Variants in RBFOX1 observed in about 807,000 individuals in gnomAD.
RBFOX1 encodes RNA binding fox-1 homolog 1, also known as RNA binding protein fox-1 homolog 1.
RBFOX1 carries 8 observed loss-of-function variants against 57.7 expected under a neutral mutation model. The observed-to-expected ratio is 0.14, with a 90% confidence interval of 0.08 to 0.25. RBFOX1 has a LOEUF of 0.25. Ranked by LOEUF, RBFOX1 falls within the 10% of genes least tolerant of loss-of-function variation. RBFOX1 has a pLI of 1.00. For synonymous variants in RBFOX1, 326 were observed against 222.4 expected, an observed-to-expected ratio of 1.47 and a Z score of -4.15; for missense variants, 611 against 548.5, an observed-to-expected ratio of 1.11 and a Z score of -1.14.
chr16:6,886,773 C>G (rs1029390102), intron 3 of RBFOX1, among the ~76,000 whole-genome samples: 1 of 130,320 alleles, frequency 7.7e-6, no homozygotes, highest in African/African-American at 3.0e-5. Context: ...AAAAACAAAA[C>G]AAAACAAAAC....
intron 14 of RBFOX1, among the ~76,000 whole-genome samples, chr16:7,707,402 C>G (rs768779976): frequency 4.6e-5 from 7 of 151,988 alleles, no homozygotes; most frequent in African/African-American, 7.3e-5. Flanking sequence ...GGGGGGAAAA[C>G]AGGAAAGGAG....
At chr16:7,198,120 C>G (rs1216145919) in intron 4 of RBFOX1, among the ~76,000 whole-genome samples, 2 of 150,402 alleles carry the variant, frequency 1.3e-5, no homozygotes, top group Admixed American at 6.7e-5. Context: ...ATTCTCCTGC[C>G]TCAGCCTCCC....
In RBFOX1 at chr16:5,938,321, G is replaced by C. The variant is rs201973451; in HGVS notation, c.351+70986G>C. Among the ~76,000 whole-genome samples, 5 of 152,266 alleles carry C rather than the reference G, an allele frequency of 3.3e-5. 1 individual carries two copies. The highest frequency in any genetic ancestry group is 4.4e-5 in the Non-Finnish European group (3 of 68,030). ...AGTGTCTGGAGCCAGTTCTCCTCCA[G>C]AGTGTCTCACTGATCGTTGCTGATG... On this transcript the variant is annotated intron_variant, in intron 4 of 19. Coordinates refer to the RBFOX1 transcript ENST00000641259.
chr16:6,510,100 C>G (rs1426182179), intron 2 of RBFOX1, among the ~76,000 whole-genome samples: 2 of 152,132 alleles, frequency 1.3e-5, no homozygotes, highest in Non-Finnish European at 2.9e-5. Flanking sequence ...AAGCTTCTGA[C>G]TGTAACTTCC....
intron 4 of RBFOX1, among the ~76,000 whole-genome samples, chr16:5,961,234 C>T (rs1424382566): frequency 6.6e-6 from 1 of 152,104 alleles, no homozygotes; most frequent in Non-Finnish European, 1.5e-5. Context: ...ATTTGCACCA[C>T]AGAGCATGCT....
intron 4 of RBFOX1, among the ~76,000 whole-genome samples, chr16:7,065,877 A>G (rs570537822): frequency 1.3e-5 from 2 of 152,326 alleles, no homozygotes; most frequent in South Asian, 4.1e-4. Flanking sequence ...TTTAGACGCT[A>G]CATGGAAGTG....
intron 2 of RBFOX1, among the ~76,000 whole-genome samples, chr16:6,551,123 C>G (rs1427930870): frequency 3.3e-5 from 5 of 152,162 alleles, no homozygotes; most frequent in Non-Finnish European, 7.3e-5. Flanking sequence ...CAGAGCTCAA[C>G]TCTCTGAGAT....
At chr16:5,708,788 A>C (rs1052938559) in intron 3 of RBFOX1, among the ~76,000 whole-genome samples, 4 of 152,194 alleles carry the variant, frequency 2.6e-5, no homozygotes, top group Non-Finnish European at 4.4e-5. Context: ...TTTTCTCTGA[A>C]AGAAGTAGCT....
chr16:5,360,991 G>C (rs967117948), intron 1 of RBFOX1, among the ~76,000 whole-genome samples: 1 of 152,104 alleles, frequency 6.6e-6, no homozygotes, highest in Non-Finnish European at 1.5e-5. Flanking sequence ...ACCATACCAA[G>C]GCTGCACACG....
At position 6,073,005 on chromosome 16, in the gene RBFOX1, A is replaced by G. The variant is rs552724560; in HGVS notation, c.-127+53013A>G. Among the ~76,000 whole-genome samples the G allele has an allele frequency of 7.2e-5, 11 of 152,338 alleles. No homozygotes were observed. In the South Asian group the frequency reaches 2.3e-3, roughly 32 times the overall value. Reference sequence around the variant, plus strand: ...CCATAAAACCATAAAAATCTATAATATTCTTATGTGAAAGGCTAGTGTATT... The same window carrying G: ...CCATAAAACCATAAAAATCTATAATGTTCTTATGTGAAAGGCTAGTGTATT... On this transcript the variant is annotated intron_variant, in intron 1 of 15. Transcript: ENST00000550418.
chr16:7,045,494 G>A (rs2047598595), intron 3 of RBFOX1, among the ~76,000 whole-genome samples: 1 of 152,164 alleles, frequency 6.6e-6, no homozygotes, highest in Non-Finnish European at 1.5e-5. Flanking sequence ...TGCATTGTCT[G>A]CAATAGGAAT....
intron 3 of RBFOX1, among the ~76,000 whole-genome samples, chr16:5,847,284 G>A (rs1447180314): frequency 6.6e-6 from 1 of 151,458 alleles, no homozygotes; most frequent in South Asian, 2.1e-4. Context: ...TGCAGGACTT[G>A]GATTCCATTT....
chr16:5,270,285 A>T (rs1241298898), intron 1 of RBFOX1: 2 of 647,908 alleles, frequency 3.1e-6, no homozygotes, highest in Admixed American at 2.1e-5. Flanking sequence ...AGCACCTGCT[A>T]TGTTCAATGT....
intron 3 of RBFOX1, among the ~76,000 whole-genome samples, chr16:6,818,849 C>A (rs1479393320): frequency 6.6e-6 from 1 of 152,130 alleles, no homozygotes; most frequent in African/African-American, 2.4e-5. Context: ...CCAACTCAGT[C>A]CAATGAGATT....
At chr16:6,322,955 C>A (rs1373377291) in intron 2 of RBFOX1, among the ~76,000 whole-genome samples, 3 of 152,156 alleles carry the variant, frequency 2.0e-5, no homozygotes, top group African/African-American at 7.2e-5. Flanking sequence ...CAACCACCCC[C>A]ACACACTGTT....
In RBFOX1 at chr16:7,597,434, A is replaced by G; in HGVS notation, c.622+3A>G. The G allele has an allele frequency of 1.2e-6, 2 of 1,601,284 alleles. No individual in the cohort carries two copies. The highest frequency in any genetic ancestry group is 2.2e-5 in the East Asian group (1 of 44,708). On this transcript the variant is annotated splice_donor_region_variant and intron_variant, in intron 9 of 15. Transcript: ENST00000550418. ...GACCGTCAACCCTTATACAAATGGT[A>G]AGTAGAGATTGGCCTTTTACAAGAA...
At chr16:7,038,161 A>G (rs1597693203) in intron 3 of RBFOX1, among the ~76,000 whole-genome samples, 1 of 151,546 alleles carries the variant, frequency 6.6e-6, no homozygotes, top group Admixed American at 6.6e-5. Flanking sequence ...TGCTCATTCT[A>G]CACAGAGTTT....
chr16:5,664,649 G>A (rs1258696716), intron 3 of RBFOX1, among the ~76,000 whole-genome samples: 2 of 152,182 alleles, frequency 1.3e-5, no homozygotes, highest in Non-Finnish European at 2.9e-5. Flanking sequence ...TACTTGAGAT[G>A]GAGAATCTGT....
chr16:5,760,371 C>G (rs1022981597), intron 3 of RBFOX1, among the ~76,000 whole-genome samples: 1 of 152,078 alleles, frequency 6.6e-6, no homozygotes, highest in Non-Finnish European at 1.5e-5. Context: ...CACACACACA[C>G]ACACACGTAT....
Sources: gnomAD v4.1 joint callset for allele counts (sites outside exome capture counted in the v4.1 genomes callset) on GRCh38, gnomAD v4.1.1 for gene constraint, MANE v1.5 for transcripts, NCBI Gene and HGNC (gene_info 2026-07-23, HGNC 2026-07-21) for gene names.